Variants in ROBO2 observed in about 807,000 individuals in gnomAD.
ROBO2 encodes roundabout homolog 2.
A neutral mutation model predicts 160.8 loss-of-function variants in ROBO2; 53 were observed. The observed-to-expected ratio is 0.33, with a 90% CI of 0.26 to 0.41. The LOEUF (loss-of-function observed/expected upper bound fraction) is 0.41, where lower values mean the gene tolerates loss of function less well. Ranked by LOEUF, ROBO2 falls within the 10% of genes least tolerant of loss-of-function variation. The pLI is 1.00. For missense variants in ROBO2, 1,577 were observed against 1,722.4 expected, an observed-to-expected ratio of 0.92 and a Z score of 1.49; for synonymous variants, 664 against 611.7, an observed-to-expected ratio of 1.09 and a Z score of -1.26.
intron 2 of ROBO2, among the ~76,000 whole-genome samples, chr3:76,186,214 T>C (rs1325324776): frequency 6.6e-6 from 1 of 151,916 alleles, no homozygotes; most frequent in African/African-American, 2.4e-5. Context: ...ATTACAGGGG[T>C]GATCCACCAT....
chr3:77,632,787 T>G, intron 23 of ROBO2: 1 of 748,566 alleles, frequency 1.3e-6, no homozygotes, highest in Non-Finnish European at 2.0e-6. Flanking sequence ...GAATACAGTT[T>G]GGATGCTCCA....
At chr3:76,377,917 A>G (rs544118291) in intron 2 of ROBO2, among the ~76,000 whole-genome samples, 4 of 152,118 alleles carry the variant, frequency 2.6e-5, no homozygotes, top group Admixed American at 2.6e-4. Context: ...ACTCAGTGGC[A>G]TGTAATTTGG....
chr3:76,580,954 A>G (rs770724662), intron 2 of ROBO2, among the ~76,000 whole-genome samples: 2 of 152,222 alleles, frequency 1.3e-5, no homozygotes, highest in Non-Finnish European at 2.9e-5. Flanking sequence ...CAGTATCAAT[A>G]GCAGAACAGT....
chr3:76,865,282 A>G (rs1451155904), intron 2 of ROBO2, among the ~76,000 whole-genome samples: 1 of 152,164 alleles, frequency 6.6e-6, no homozygotes, highest in Non-Finnish European at 1.5e-5. Context: ...ATACAAAAAG[A>G]ATGAATTACT....
intron 2 of ROBO2, among the ~76,000 whole-genome samples, chr3:76,206,985 G>A (rs1243257141): frequency 6.6e-6 from 1 of 151,990 alleles, no homozygotes; most frequent in Admixed American, 6.6e-5. Flanking sequence ...CATGAGTTTA[G>A]GTTAATATAA....
chr3:76,490,813 A>C (rs979378911), intron 2 of ROBO2, among the ~76,000 whole-genome samples: 9 of 152,226 alleles, frequency 5.9e-5, no homozygotes, highest in African/African-American at 1.9e-4. Context: ...CCTGTAGTCC[A>C]CATTTTTATT....
At chr3:76,952,559 G>A (rs2079022878) in intron 2 of ROBO2, among the ~76,000 whole-genome samples, 2 of 152,180 alleles carry the variant, frequency 1.3e-5, no homozygotes, top group Non-Finnish European at 2.9e-5. Context: ...TGGGATTACA[G>A]GCGTGAGCCA....
At position 77,557,938 on chromosome 3, in the gene ROBO2, C is replaced by T; in HGVS notation, c.1232-6C>T. The stretch of plus-strand genomic sequence containing the variant: ...TAAAATACCTGAAAAGAGCTTTATT[C>T]TTCAGTTTTGACAGATAGACCTCCA... On this transcript the variant is annotated splice_polypyrimidine_tract_variant and splice_region_variant and intron_variant, in intron 8 of 25. Transcript: ENST00000461745. The T allele has an allele frequency of 2.5e-6, 4 of 1,611,542 alleles. No homozygotes were observed. Among genetic ancestry groups the T allele is most frequent in the Middle Eastern group, 1.7e-4 (1 of 6,050 alleles).
intron 6 of ROBO2, among the ~76,000 whole-genome samples, chr3:77,526,093 T>C (rs796660824): frequency 3.1e-4 from 47 of 151,546 alleles, no homozygotes; most frequent in African/African-American, 1.1e-3. Flanking sequence ...TCTTTTCCTC[T>C]GGCTATAGCA....
At chr3:77,200,310 TATA>T in intron 2 of ROBO2, among the ~76,000 whole-genome samples, 1 of 89,308 alleles carries the variant, frequency 1.1e-5, no homozygotes, top group East Asian at 3.4e-4. Flanking sequence ...TATATATATA[TATA>T]TATATATATT....
chr3:76,494,030 T>C (rs1447857649), intron 2 of ROBO2, among the ~76,000 whole-genome samples: 2 of 152,136 alleles, frequency 1.3e-5, no homozygotes, highest in African/African-American at 4.8e-5. Flanking sequence ...GCTAAAAGGA[T>C]GATATGTATG....
chr3:75,998,052 C>T (rs2065782259), intron 2 of ROBO2, among the ~76,000 whole-genome samples: 1 of 152,124 alleles, frequency 6.6e-6, no homozygotes. Flanking sequence ...AGAAAGATCT[C>T]TAAACTAATT....
chr3:77,499,900 G>T (rs542836635), intron 5 of ROBO2, among the ~76,000 whole-genome samples: 2 of 152,190 alleles, frequency 1.3e-5, no homozygotes, highest in Non-Finnish European at 2.9e-5. Context: ...ACCCGCCTCA[G>T]CCTCCCAAAC....
At chr3:77,050,960 G>A (rs1204075248) in intron 1 of ROBO2, among the ~76,000 whole-genome samples, 1 of 151,192 alleles carries the variant, frequency 6.6e-6, no homozygotes, top group African/African-American at 2.4e-5. Flanking sequence ...CAAGGCTGCA[G>A]TGAGCTGTGA....
intron 2 of ROBO2, among the ~76,000 whole-genome samples, chr3:76,095,550 G>A (rs1422313037): frequency 6.6e-6 from 1 of 152,038 alleles, no homozygotes. Flanking sequence ...AAATGTCAAA[G>A]CTCCATGGTT....
At chr3:76,021,529 C>T (rs1248393876) in intron 2 of ROBO2, among the ~76,000 whole-genome samples, 2 of 151,664 alleles carry the variant, frequency 1.3e-5, no homozygotes, top group Admixed American at 6.6e-5. Flanking sequence ...ACAGGCGTAC[C>T]TTGGAGATAT....
At chr3:77,134,318 A>G (rs925583993) in intron 2 of ROBO2, among the ~76,000 whole-genome samples, 2 of 152,236 alleles carry the variant, frequency 1.3e-5, no homozygotes, top group Non-Finnish European at 2.9e-5. Context: ...TAAAAAATAT[A>G]CCACACATTT....
At chr3:76,524,387 G>A (rs112796237) in intron 2 of ROBO2, among the ~76,000 whole-genome samples, 343 of 151,956 alleles carry the variant, frequency 2.3e-3, no homozygotes, top group African/African-American at 7.9e-3. Context: ...ACCTCCCAAG[G>A]CAGGTATTTG....
intron 2 of ROBO2, among the ~76,000 whole-genome samples, chr3:77,220,125 C>T (rs1272669605): frequency 6.6e-6 from 1 of 152,028 alleles, no homozygotes; most frequent in Non-Finnish European, 1.5e-5. Context: ...ATTCTCCTGC[C>T]TCAGCCTCCC....
Sources: gnomAD v4.1 joint callset for allele counts (sites outside exome capture counted in the v4.1 genomes callset) on GRCh38, gnomAD v4.1.1 for gene constraint, MANE v1.5 for transcripts, NCBI Gene and HGNC (gene_info 2026-07-23, HGNC 2026-07-21) for gene names.